Variants in RXRA observed in about 807,000 individuals in gnomAD.
RXRA encodes the protein retinoic acid receptor RXR-alpha.
RXRA carries 5 observed loss-of-function variants against 44.5 expected under a neutral mutation model. The observed-to-expected ratio is 0.11, with a 90% confidence interval of 0.06 to 0.24. The LOEUF is 0.24. Ranked by LOEUF, RXRA falls within the 10% of genes least tolerant of loss-of-function variation. The pLI, the probability that RXRA is intolerant of heterozygous loss-of-function variation, is 1.00. For missense variants in RXRA, 412 were observed against 646.5 expected, an observed-to-expected ratio of 0.64 and a Z score of 3.93; for synonymous variants, 291 against 271.4, an observed-to-expected ratio of 1.07 and a Z score of -0.71.
chr9:134,364,617 C>T (rs553216210), intron 1 of RXRA, among the ~76,000 whole-genome samples: 5 of 152,320 alleles, frequency 3.3e-5, no homozygotes, highest in African/African-American at 1.2e-4. Flanking sequence ...CCCTCTGGGC[C>T]ACTTCCTGCC....
At chr9:134,351,780 C>A (rs558113675) in intron 1 of RXRA, among the ~76,000 whole-genome samples, 1 of 152,216 alleles carries the variant, frequency 6.6e-6, no homozygotes, top group African/African-American at 2.4e-5. Flanking sequence ...CATCAGAACG[C>A]GAGGTGAATG....
intron 1 of RXRA, among the ~76,000 whole-genome samples, chr9:134,378,872 A>AG (rs1830597684): frequency 6.6e-6 from 1 of 152,222 alleles, no homozygotes; most frequent in Non-Finnish European, 1.5e-5. Context: ...GGCAGGAGCC[A>AG]GACCATCCTT....
intron 3 of RXRA, 21 bp from the exon 4 acceptor site, chr9:134,408,919 C>T: frequency 6.8e-7 from 1 of 1,477,304 alleles, no homozygotes; most frequent in Non-Finnish European, 9.0e-7. Context: ...CTCCCCAGCC[C>T]TGCTCTGCCC....
At chr9:134,423,385 G>T (rs1476693465) in intron 6 of RXRA, 2 of 985,464 alleles carry the variant, frequency 2.0e-6, no homozygotes, top group Non-Finnish European at 2.4e-6. Context: ...CCCGACTGGG[G>T]AGCCTCAGCC....
In RXRA at chr9:134,408,143, C is replaced by T. The variant is rs1440716295; in HGVS notation, c.280-6C>T. On this transcript the variant is annotated splice_polypyrimidine_tract_variant and splice_region_variant and intron_variant, in intron 2 of 9. Coordinates refer to ENST00000481739, the MANE Select transcript of RXRA (RefSeq NM_002957.6). The stretch of plus-strand genomic sequence containing the variant: ...CCCCGCTGACTGCTGTGGTTGCCCC[C>T]CCCAGCTCAGCTCACCTATGAACCC... 1.3e-6 allele frequency: 2 copies of T among 1,546,042 alleles called. No individual in the cohort carries two copies. The highest frequency in any genetic ancestry group is 1.3e-5 in the South Asian group (1 of 79,844).
intron 1 of RXRA, among the ~76,000 whole-genome samples, chr9:134,398,679 C>T (rs1285046267): frequency 4.6e-5 from 7 of 152,216 alleles, no homozygotes; most frequent in Non-Finnish European, 1.0e-4. Flanking sequence ...CCCCAGTCTT[C>T]CCAGATTACA....
intron 1 of RXRA, among the ~76,000 whole-genome samples, chr9:134,363,045 C>T (rs1359076365): frequency 6.6e-6 from 1 of 152,222 alleles, no homozygotes; most frequent in African/African-American, 2.4e-5. Flanking sequence ...TTTCTCTTGC[C>T]CCTTCTCCCA....
intron 1 of RXRA, among the ~76,000 whole-genome samples, chr9:134,383,850 C>T (rs1830681100): frequency 6.6e-6 from 1 of 152,140 alleles, no homozygotes; most frequent in African/African-American, 2.4e-5. Flanking sequence ...AGGCCCTGAA[C>T]CCGATGTGCA....
chr9:134,416,279 G>A (rs991498870), intron 4 of RXRA, among the ~76,000 whole-genome samples: 1 of 152,190 alleles, frequency 6.6e-6, no homozygotes, highest in Non-Finnish European at 1.5e-5. Context: ...AGCCTCATGC[G>A]CCTGGGCAGC....
chr9:134,394,140 GTGTTGATGATGT>G (rs1830840207), intron 1 of RXRA, among the ~76,000 whole-genome samples: 2 of 128 alleles, frequency 0.016, no homozygotes, highest in African/African-American at 0.026. Flanking sequence ...TGTAATGATG[GTGTTGATGATGT>G]TGGTGATGGT....
At chr9:134,411,680 G>A (rs1163686056) in intron 4 of RXRA, among the ~76,000 whole-genome samples, 1 of 152,252 alleles carries the variant, frequency 6.6e-6, no homozygotes, top group African/African-American at 2.4e-5. Flanking sequence ...ATTCTGAGGC[G>A]TGAACTTGCA....
chr9:134,416,577 T>C (rs1443523655), intron 4 of RXRA, among the ~76,000 whole-genome samples: 2 of 152,098 alleles, frequency 1.3e-5, no homozygotes, highest in African/African-American at 4.8e-5. Flanking sequence ...CCCAGTGTCC[T>C]TGGGAGGGGC....
At chr9:134,400,244 C>A (rs904465037) in intron 1 of RXRA, among the ~76,000 whole-genome samples, 1 of 152,166 alleles carries the variant, frequency 6.6e-6, no homozygotes, top group Admixed American at 6.5e-5. Context: ...TGGCACCCAG[C>A]GAGTGAGCCA....
chr9:134,401,683 C>T lies in RXRA; in HGVS notation c.80C>T (p.Ser27Phe). 1 of 1,613,138 alleles carries T rather than the reference C, an allele frequency of 6.2e-7. No individual in the cohort carries two copies. The highest frequency in any genetic ancestry group is 8.5e-7 in the Non-Finnish European group (1 of 1,179,974). Residue 27 changes from serine to phenylalanine, a missense_variant, in exon 2 of 10, where the codon TCC becomes TTC. Physicochemically the swap from Ser to Phe is radical, Grantham distance 155 (BLOSUM62 -2). This residue lies in a region of RXRA where 156 missense variants were observed against 177.2 expected (regional missense o/e 0.88). Coordinates refer to ENST00000481739, the MANE Select transcript of RXRA (RefSeq NM_002957.6). Reference protein sequence around the residue: ...SSLTSPTGRGSMAAPSLHPSL... With the variant: ...SSLTSPTGRGFMAAPSLHPSL... ...CTCACCTCCCCGACGGGGCGAGGCT[C>T]CATGGCTGCCCCCTCGCTGCACCCG...
At chr9:134,355,947 G>A (rs1216767807) in intron 1 of RXRA, among the ~76,000 whole-genome samples, 1 of 151,966 alleles carries the variant, frequency 6.6e-6, no homozygotes, top group Non-Finnish European at 1.5e-5. Flanking sequence ...CCTGGGGGAG[G>A]GCAGCTGAGG....
At position 134,440,178 on chromosome 9, in the gene RXRA, G is replaced by T. The variant is rs1007806439; in HGVS notation, c.*3564G>T. 1.1e-4 allele frequency: 16 copies of T among 151,886 alleles called. No homozygotes were observed. Among genetic ancestry groups the T allele is most frequent in the African/African-American group, 3.9e-4 (16 of 41,300 alleles). The allele number at this position is 151,886 out of a possible 1,614,324, so 9.4% of individuals were successfully genotyped here. A position where few individuals can be genotyped will look rare whatever the true frequency, so the allele number is the denominator to read the frequency against. Reference sequence around the variant, plus strand: ...GCGGGGGGAGGGCTGGGACTGTTTCGTTTCTGCTTCTAGAGATTGAGGTGA... The same window carrying T: ...GCGGGGGGAGGGCTGGGACTGTTTCTTTTCTGCTTCTAGAGATTGAGGTGA... On this transcript the variant is annotated 3_prime_UTR_variant, in exon 10 of 10. Coordinates refer to ENST00000481739, the MANE Select transcript of RXRA (RefSeq NM_002957.6).
chr9:134,408,092 G>A (rs1831085210), intron 2 of RXRA, 57 bp from the exon 3 acceptor site: 2 of 1,392,588 alleles, frequency 1.4e-6, no homozygotes, highest in Admixed American at 2.5e-5. Flanking sequence ...GGGCCGTGGG[G>A]GACATAGGGA....
At chr9:134,393,786 A>ACC (rs1830833894) in intron 1 of RXRA, among the ~76,000 whole-genome samples, 1 of 151,960 alleles carries the variant, frequency 6.6e-6, no homozygotes. Flanking sequence ...CCTCCTGAGC[A>ACC]CCCTCTTCCT....
chr9:134,362,353 G>A (rs1420358321), intron 1 of RXRA, among the ~76,000 whole-genome samples: 2 of 152,196 alleles, frequency 1.3e-5, no homozygotes, highest in Non-Finnish European at 2.9e-5. Flanking sequence ...CTCTCCCTGG[G>A]GTGGCAGGGG....
Sources: gnomAD v4.1 joint callset for allele counts (sites outside exome capture counted in the v4.1 genomes callset) on GRCh38, gnomAD v4.1.1 for gene constraint, gnomAD v4.1.1 regional missense constraint, MANE v1.5 for transcripts, NCBI Gene and HGNC (gene_info 2026-07-23, HGNC 2026-07-21) for gene names.